HACL1: variants seen among roughly 807,000 people sequenced by gnomAD.
HACL1 encodes 2-hydroxyacyl-CoA lyase 1, also known as 1600020H07Rik.
HACL1 carries 64 observed loss-of-function variants against 74.2 expected under a neutral mutation model. That is an observed-to-expected ratio of 0.86 (90% CI 0.70 to 1.06). The LOEUF (loss-of-function observed/expected upper bound fraction) is 1.06. HACL1 is among the 50% of genes least tolerant of loss of function. The pLI, the probability that HACL1 is intolerant of heterozygous loss-of-function variation, is 0.00. For missense variants in HACL1, 728 were observed against 719.7 expected (o/e 1.01, Z -0.13); for synonymous variants, 230 against 238.8 (o/e 0.96, Z 0.34).
rs370178748 is a variant in HACL1 at position 15,588,034 on chromosome 3, C to T, written c.382-1432G>A. 1.7e-3 allele frequency among the ~76,000 whole-genome samples: 255 copies of T among 152,114 alleles called. 1 individual carries two copies. The Middle Eastern group carries it at 0.017, about 10-fold the overall frequency. The stretch of plus-strand genomic sequence containing the variant: ...TCAGCCTCCCAAGTAGCGAGGATTA[C>T]GGGCACCCACCACCAAGCCCAGCTA... On this transcript the variant is annotated intron_variant, in intron 5 of 16. Coordinates refer to ENST00000321169, the MANE Select transcript of HACL1 (RefSeq NM_012260.4).
At chr3:15,566,630 T>C (rs2125228470) in intron 14 of HACL1, among the ~76,000 whole-genome samples, 1 of 152,014 alleles carries the variant, frequency 6.6e-6, no homozygotes, top group East Asian at 1.9e-4. Context: ...CACTCCAGTC[T>C]GGGTGACAAA....
intron 5 of HACL1, among the ~76,000 whole-genome samples, chr3:15,588,335 T>TAAA (rs2063827921): frequency 6.6e-6 from 1 of 152,222 alleles, no homozygotes; most frequent in South Asian, 2.1e-4. Context: ...GGCTCACGCC[T>TAAA]GTAATCCCAG....
At chr3:15,598,884 A>G (rs2064124272) in intron 2 of HACL1, among the ~76,000 whole-genome samples, 1 of 152,226 alleles carries the variant, frequency 6.6e-6, no homozygotes, top group African/African-American at 2.4e-5. Flanking sequence ...TCTCAAATGC[A>G]TGTGTTCAAA....
chr3:15,583,528 T>G (rs1167925288), intron 7 of HACL1, among the ~76,000 whole-genome samples: 1 of 152,140 alleles, frequency 6.6e-6, no homozygotes, highest in East Asian at 1.9e-4. Context: ...AAAAAAAGAC[T>G]CAGAGAAAGT....
rs752016065 is a variant in HACL1 at position 15,591,719 on chromosome 3, G to A, written c.228-39C>T. The A allele has an allele frequency of 5.3e-6, 7 of 1,311,568 alleles. No homozygotes were observed. In the Admixed American group the frequency reaches 5.4e-5, roughly 10 times the overall value. The allele number at this position is 1,311,568 out of a possible 1,614,324, so 81.2% of individuals were successfully genotyped here. On this transcript the variant is annotated intron_variant, in intron 3 of 16. Transcript: ENST00000321169. ...AGAATTTATTAAAATCAGGTCAAAT[G>A]TAACAACTGATTCATAACACTTTAG...
chr3:15,580,659 T>C (rs910215645), intron 8 of HACL1, among the ~76,000 whole-genome samples: 1 of 152,156 alleles, frequency 6.6e-6, no homozygotes, highest in African/African-American at 2.4e-5. Context: ...TACAAGTCCC[T>C]GAACACACTA....
intron 5 of HACL1, among the ~76,000 whole-genome samples, chr3:15,586,987 C>A (rs1204957676): frequency 6.6e-6 from 1 of 152,134 alleles, no homozygotes; most frequent in Non-Finnish European, 1.5e-5. Context: ...GAATATAAAA[C>A]TTCATCTGTT....
Position 15,567,981 on chromosome 3 carries a change from TC to T in HACL1, c.1271del (p.Gly424GlufsTer42), listed in dbSNP as rs1437453135. ...CAAATCCCAAACCAACTCCCATTGT[TC>T]CGAAAGTACCAGCATCAAGCCTGTT... ...PRHRLDAGTF[G>X]TMGVGLGFAI... On this transcript the variant is annotated frameshift_variant, in exon 14 of 17. Transcript: ENST00000321169. LOFTEE classifies it high-confidence loss of function. 1 of 1,613,992 alleles carries T rather than the reference TC, an allele frequency of 6.2e-7. No individual in the cohort carries two copies. Among genetic ancestry groups the T allele is most frequent in the African/African-American group, 1.3e-5 (1 of 74,892 alleles).
intron 2 of HACL1, among the ~76,000 whole-genome samples, chr3:15,600,266 A>T (rs1333615300): frequency 6.6e-6 from 1 of 152,270 alleles, no homozygotes; most frequent in East Asian, 1.9e-4. Context: ...TAGGGTGGCC[A>T]GGCAGTTGTT....
At position 15,592,226 on chromosome 3, in the gene HACL1, ATACG is replaced by A. The variant is rs60382649; in HGVS notation, c.228-550_228-547del. 4.2e-3 allele frequency among the ~76,000 whole-genome samples: 510 copies of A among 120,040 alleles called. 14 individuals carry two copies. The highest frequency in any genetic ancestry group is 0.02 in the African/African-American group (469 of 22,898). 78.8% of individuals were successfully genotyped at this position (120,040 alleles called of 152,430 possible). On this transcript the variant is annotated intron_variant, in intron 3 of 16. Transcript: ENST00000321169. ...TATACATGCGTGTATATATGTATAC[ATACG>A]TATATACGTATACATACGTGTATAT...
chr3:15,586,530 C>T lies in HACL1; in HGVS notation c.454G>A (p.Glu152Lys). 5 of 1,560,498 alleles carry T rather than the reference C, an allele frequency of 3.2e-6. No homozygotes were observed. The highest frequency in any genetic ancestry group is 4.4e-6 in the Non-Finnish European group (5 of 1,133,160). The change falls in exon 6 of 17, where the codon GAA (glutamate) becomes AAA (lysine). Residue 152 changes from glutamate to lysine, a missense_variant. Physicochemically the swap from Glu to Lys is moderately conservative, Grantham distance 56 (BLOSUM62 1). Transcript: ENST00000321169. ...CTTGTTATTAAATACTGTACCTTTTCAATAACAAAAGGAATAGCTTCTATG... is the reference window on the plus strand; with the variant it reads ...CTTGTTATTAAATACTGTACCTTTTTAATAACAAAAGGAATAGCTTCTATG... ...SSIEAIPFVI[E>K]KAVRSSIYGR...
chr3:15,581,877 G>T (rs1324660446), intron 8 of HACL1, among the ~76,000 whole-genome samples: 1 of 152,162 alleles, frequency 6.6e-6, no homozygotes, highest in Non-Finnish European at 1.5e-5. Context: ...TTTGTTAAAA[G>T]AAGAATGAAA....
intron 2 of HACL1, among the ~76,000 whole-genome samples, chr3:15,596,909 T>C (rs1418685486): frequency 6.6e-6 from 1 of 152,188 alleles, no homozygotes; most frequent in Admixed American, 6.5e-5. Context: ...TTTCTTTTTC[T>C]AGCTTCTTAA....
At chr3:15,571,823 TTTTTTC>T in intron 11 of HACL1, 54 bp from the exon 12 acceptor site, 19 of 435,530 alleles carry the variant, frequency 4.4e-5, no homozygotes, top group Non-Finnish European at 5.6e-5. Flanking sequence ...TCTTTGCCTT[TTTTTTC>T]TTTTTTTTTT....
intron 8 of HACL1, among the ~76,000 whole-genome samples, chr3:15,580,327 C>T (rs1431794373): frequency 2.6e-5 from 4 of 152,078 alleles, no homozygotes; most frequent in Non-Finnish European, 5.9e-5. Context: ...GACGAGGTCT[C>T]CCTATATTGC....
rs569166267 is a variant in HACL1 at position 15,588,872 on chromosome 3, T to C, written c.381+668A>G. Among the ~76,000 whole-genome samples, 4 of 152,190 alleles carry C rather than the reference T, an allele frequency of 2.6e-5. No individual in the cohort carries two copies. In the East Asian group the frequency reaches 7.7e-4, roughly 29 times the overall value. The stretch of plus-strand genomic sequence containing the variant: ...TTGTCCAGAGTCTACTGATAATCAT[T>C]TTGAGTAAGTTTTTTCCTCTTATTT... On this transcript the variant is annotated intron_variant, in intron 5 of 16. Transcript: ENST00000321169.
chr3:15,562,161 T>A (rs1181473435), intron 16 of HACL1, among the ~76,000 whole-genome samples: 7 of 152,188 alleles, frequency 4.6e-5, no homozygotes. Context: ...CTGACTAGCA[T>A]AAATCATTTT....
chr3:15,567,067 A>G (rs548336790), intron 14 of HACL1, among the ~76,000 whole-genome samples: 10 of 151,554 alleles, frequency 6.6e-5, no homozygotes, highest in Non-Finnish European at 1.3e-4. Context: ...TGATCTGCCC[A>G]CCTCAGCCAC....
intron 5 of HACL1, among the ~76,000 whole-genome samples, chr3:15,587,375 T>C (rs139794405): frequency 0.021 from 3,112 of 149,430 alleles, 43 homozygotes; most frequent in Non-Finnish European, 0.033. Flanking sequence ...AGGCATTATA[T>C]AGAAACTGTT....
Sources: gnomAD v4.1 joint callset for allele counts (sites outside exome capture counted in the v4.1 genomes callset) on GRCh38, gnomAD v4.1.1 for gene constraint, MANE v1.5 for transcripts, NCBI Gene and HGNC (gene_info 2026-07-23, HGNC 2026-07-21) for gene names.